The following THRAP3 variants were observed in gnomAD, a reference collection of about 807,000 sequenced individuals.
THRAP3 encodes the protein thyroid hormone receptor associated protein 3.
In THRAP3, 16 loss-of-function variants were observed where a neutral mutation model predicts 101.0. That is an observed-to-expected ratio of 0.16 (90% CI 0.11 to 0.24). THRAP3 has a LOEUF of 0.24. Among genes scored for constraint, THRAP3 ranks in the 10% least tolerant of loss-of-function variants. The pLI is 1.00. For synonymous variants in THRAP3, 407 were observed against 422.6 expected (o/e 0.96, Z 0.45); for missense variants, 989 against 1,202.7 (o/e 0.82, Z 2.63).
chr1:36,285,479 A>G (rs79853571), intron 3 of THRAP3, among the ~76,000 whole-genome samples: 3,669 of 152,264 alleles, frequency 0.024, 151 homozygotes, highest in African/African-American at 0.083. Flanking sequence ...GTTACTATCA[A>G]GTCTCTGTGG....
At chr1:36,258,795 G>GT (rs1645408434) in intron 1 of THRAP3, among the ~76,000 whole-genome samples, 1 of 152,194 alleles carries the variant, frequency 6.6e-6, no homozygotes, top group African/African-American at 2.4e-5. Context: ...TAACAACAAA[G>GT]TTTTGATAAG....
intron 2 of THRAP3, among the ~76,000 whole-genome samples, chr1:36,268,530 C>T (rs1645544337): frequency 1.3e-5 from 2 of 152,140 alleles, no homozygotes; most frequent in Non-Finnish European, 2.9e-5. Context: ...ATAGACCCAC[C>T]TTGCTGTGTC....
At chr1:36,236,095 A>T (rs1218089628) in intron 1 of THRAP3, among the ~76,000 whole-genome samples, 1 of 151,756 alleles carries the variant, frequency 6.6e-6, no homozygotes, top group Non-Finnish European at 1.5e-5. Context: ...AAAAATAAAA[A>T]AAAAAAATTA....
the THRAP3 span, among the ~76,000 whole-genome samples, chr1:36,210,064 A>G: frequency 6.6e-6 from 1 of 152,140 alleles, no homozygotes; most frequent in Admixed American, 6.6e-5. Flanking sequence ...GTGAATTGAG[A>G]GTGTTTAAAA....
At chr1:36,236,253 CTG>C (rs145180687) in intron 1 of THRAP3, among the ~76,000 whole-genome samples, 119,895 of 150,388 alleles carry the variant, frequency 0.8, 49,371 homozygotes, top group East Asian at 0.94. Context: ...TCATGACAGA[CTG>C]GGCGCAAAAA....
At position 36,300,883 on chromosome 1, in the gene THRAP3, C is replaced by A. The variant is rs974477088; in HGVS notation, c.2304-3C>A. 1.2e-6 allele frequency: 2 copies of A among 1,612,550 alleles called. No individual in the cohort carries two copies. The highest frequency in any genetic ancestry group is 1.7e-6 in the Non-Finnish European group (2 of 1,179,808). On this transcript the variant is annotated splice_region_variant and splice_polypyrimidine_tract_variant and intron_variant, in intron 9 of 11. Transcript: ENST00000354618. ...GATCACCCTGGCTCTTCTCTTTTCA[C>A]AGGAAGCATCGGAGAGCAAGAGACA...
intron 1 of THRAP3, among the ~76,000 whole-genome samples, chr1:36,229,423 G>T (rs67357932): frequency 0.026 from 1,005 of 38,528 alleles, 4 homozygotes; most frequent in East Asian, 0.041. Context: ...TTTTTTTTTT[G>T]TTTTTTTTTT....
At chr1:36,210,746 A>ATATCATATATATCATATATATATCATAT in the THRAP3 span, among the ~76,000 whole-genome samples, 2 of 98,852 alleles carry the variant, frequency 2.0e-5, no homozygotes, top group Admixed American at 1.4e-4. Flanking sequence ...TCATATATAT[A>ATATCATATATATCATATATATATCATAT]AAGTGTCAGC....
intron 1 of THRAP3, among the ~76,000 whole-genome samples, chr1:36,236,826 A>G (rs1398717131): frequency 1.3e-5 from 2 of 152,188 alleles, no homozygotes; most frequent in African/African-American, 4.8e-5. Flanking sequence ...TTTGGGGACA[A>G]TTTTACTGAA....
chr1:36,220,321 G>T (rs1644895647), upstream of THRAP3, among the ~76,000 whole-genome samples: 1 of 152,108 alleles, frequency 6.6e-6, no homozygotes, highest in African/African-American at 2.4e-5. Flanking sequence ...CTGCTAACAT[G>T]ATGTCCGTTC....
At chr1:36,233,790 A>G (rs1420730438) in intron 1 of THRAP3, among the ~76,000 whole-genome samples, 1 of 151,994 alleles carries the variant, frequency 6.6e-6, no homozygotes, top group Non-Finnish European at 1.5e-5. Context: ...TAAAATAAAA[A>G]TTTGTATTCA....
chr1:36,277,492 G>A lies in THRAP3; in HGVS notation c.-31-5041G>A, dbSNP rs147721196. Among the ~76,000 whole-genome samples the A allele has an allele frequency of 9.3e-3, 1,411 of 151,456 alleles. 25 individuals are homozygous for A. Among genetic ancestry groups the A allele is most frequent in the African/African-American group, 0.032 (1,324 of 41,288 alleles). On this transcript the variant is annotated intron_variant, in intron 2 of 11. Coordinates refer to ENST00000354618, the MANE Select transcript of THRAP3 (RefSeq NM_005119.4). The stretch of plus-strand genomic sequence containing the variant: ...TGGGATTACAAGTGTGAACCACCAC[G>A]CCTGGCTCACATTTATTTATTTTTT...
chr1:36,207,979 G>T, the THRAP3 span, among the ~76,000 whole-genome samples: 1 of 152,076 alleles, frequency 6.6e-6, no homozygotes, highest in South Asian at 2.1e-4. Context: ...TTTTAATAGA[G>T]ACTGGGTTTC....
intron 3 of THRAP3, 94 bp downstream of exon 3, chr1:36,282,794 A>T: frequency 6.9e-7 from 1 of 1,445,956 alleles, no homozygotes; most frequent in East Asian, 2.3e-5. Context: ...TGTGAGTGTC[A>T]AATGGACTGG....
At chr1:36,285,802 T>C (rs774528937) in intron 3 of THRAP3, among the ~76,000 whole-genome samples, 69 of 152,238 alleles carry the variant, frequency 4.5e-4, no homozygotes, top group Admixed American at 3.3e-4. Flanking sequence ...CAAGTTTTCT[T>C]TGGTGTGTAC....
intron 2 of THRAP3, among the ~76,000 whole-genome samples, chr1:36,274,475 G>T (rs1382778922): frequency 6.6e-6 from 1 of 152,098 alleles, no homozygotes; most frequent in African/African-American, 2.4e-5. Context: ...TTGAAAAAGA[G>T]AAAAGTTGGA....
rs576340597 is a variant in THRAP3 at position 36,278,432 on chromosome 1, C to A, written c.-31-4101C>A. Reference sequence around the variant, plus strand: ...AAACACAATTGTGTTTTAAGTAAAACGCATCTGTTTTCAAGATCAAGGACC... The same window carrying A: ...AAACACAATTGTGTTTTAAGTAAAAAGCATCTGTTTTCAAGATCAAGGACC... On this transcript the variant is annotated intron_variant, in intron 2 of 11. Coordinates refer to ENST00000354618, the MANE Select transcript of THRAP3 (RefSeq NM_005119.4). Among the ~76,000 whole-genome samples, 318 of 152,056 alleles carry A rather than the reference C, an allele frequency of 2.1e-3. 1 individual carries two copies. Among genetic ancestry groups the A allele is most frequent in the African/African-American group, 7.0e-3 (290 of 41,470 alleles).
chr1:36,239,150 C>T (rs1012995560), intron 1 of THRAP3, among the ~76,000 whole-genome samples: 35 of 151,124 alleles, frequency 2.3e-4, no homozygotes, highest in Admixed American at 1.5e-3. Flanking sequence ...GTGATCCGCC[C>T]GCCTCGGCCT....
intron 2 of THRAP3, among the ~76,000 whole-genome samples, chr1:36,280,009 G>A (rs1202913480): frequency 6.6e-6 from 1 of 152,214 alleles, no homozygotes; most frequent in Non-Finnish European, 1.5e-5. Flanking sequence ...GTGAGGCTGG[G>A]CGGGGTGGCT....
Sources: gnomAD v4.1 joint callset for allele counts (sites outside exome capture counted in the v4.1 genomes callset) on GRCh38, gnomAD v4.1.1 for gene constraint, MANE v1.5 for transcripts, NCBI Gene and HGNC (gene_info 2026-07-23, HGNC 2026-07-21) for gene names.